Variants in PSMA5 observed in about 807,000 individuals in gnomAD.
PSMA5 encodes proteasome subunit alpha type-5.
Under a neutral mutation model 34.5 loss-of-function variants are expected in PSMA5, and 3 were observed. The ratio of observed to expected loss-of-function variants is 0.09; its 90% CI spans 0.04 to 0.22. The LOEUF is 0.22. PSMA5 is among the 10% of genes least tolerant of loss of function. The pLI is 1.00. For synonymous variants in PSMA5, 88 were observed against 95.8 expected (o/e 0.92, Z 0.47); for missense variants, 120 against 286.1 (o/e 0.42, Z 4.19).
intron 8 of PSMA5, among the ~76,000 whole-genome samples, chr1:109,407,913 G>T (rs1653844139): frequency 6.6e-6 from 1 of 152,072 alleles, no homozygotes; most frequent in Non-Finnish European, 1.5e-5. Context: ...CCAAAGTGCT[G>T]GGATTACTGG....
intron 3 of PSMA5, 98 bp from the exon 4 acceptor site, chr1:109,413,233 G>T: frequency 9.1e-7 from 1 of 1,097,636 alleles, no homozygotes; most frequent in Non-Finnish European, 1.4e-6. Flanking sequence ...AACCACGGCA[G>T]CCATTCAGCT....
intron 7 of PSMA5, 31 bp downstream of exon 7, chr1:109,410,980 A>G (rs758877162): frequency 6.7e-7 from 1 of 1,481,530 alleles, no homozygotes; most frequent in African/African-American, 1.4e-5. Flanking sequence ...ATGATAAAAA[A>G]ATAGTAAGAG....
At chr1:109,421,970 G>T in intron 1 of PSMA5, 44 bp from the exon 2 acceptor site, 1 of 1,269,090 alleles carries the variant, frequency 7.9e-7, no homozygotes. Context: ...ATAAAAACTA[G>T]CCATGTAGAC....
At chr1:109,418,937 C>T (rs1654324656) in intron 2 of PSMA5, among the ~76,000 whole-genome samples, 2 of 152,096 alleles carry the variant, frequency 1.3e-5, no homozygotes, top group African/African-American at 4.8e-5. Flanking sequence ...GGCAGATCAC[C>T]TGAGGTCAGG....
chr1:109,399,647 T>A lies in PSMA5; in HGVS notation c.*2366A>T, dbSNP rs925363611. The stretch of plus-strand genomic sequence containing the variant: ...CACTTTTTAGTATGTTGCTTTTAGT[T>A]ATCACAGGCTTACAGTACTTATATA... On this transcript the variant is annotated 3_prime_UTR_variant, in exon 9 of 9. Coordinates refer to ENST00000271308, the MANE Select transcript of PSMA5 (RefSeq NM_002790.4). The A allele has an allele frequency of 3.3e-5, 5 of 152,266 alleles. No homozygotes were observed. Among genetic ancestry groups the A allele is most frequent in the African/African-American group, 1.2e-4 (5 of 41,464 alleles). 9.4% of individuals were successfully genotyped at this position (152,266 alleles called of 1,614,324 possible). A position where few individuals can be genotyped will look rare whatever the true frequency, so the allele number is the denominator to read the frequency against.
At chr1:109,404,046 C>T (rs189178746) in intron 8 of PSMA5, among the ~76,000 whole-genome samples, 4 of 152,086 alleles carry the variant, frequency 2.6e-5, no homozygotes, top group Admixed American at 1.3e-4. Flanking sequence ...CTTGGCCAGG[C>T]GTGGTAGCCT....
chr1:109,425,911 T>C (rs941250755), intron 1 of PSMA5: 2 of 251,988 alleles, frequency 7.9e-6, no homozygotes, highest in South Asian at 1.6e-4. Flanking sequence ...TGCTTTTTCT[T>C]CCAGGAAGCA....
At chr1:109,426,250 C>G in intron 1 of PSMA5, 52 bp downstream of exon 1, 3 of 1,609,534 alleles carry the variant, frequency 1.9e-6, no homozygotes, top group Admixed American at 3.3e-5. Context: ...GCGGCCAGGT[C>G]CCGGGCCTGC....
At chr1:109,405,447 G>GTTTTTTTT (rs11390638) in intron 8 of PSMA5, among the ~76,000 whole-genome samples, 2 of 118,286 alleles carry the variant, frequency 1.7e-5, no homozygotes, top group Non-Finnish European at 3.3e-5. Flanking sequence ...GTCAGAAAAG[G>GTTTTTTTT]TTTTTTTTTT....
chr1:109,419,530 C>G (rs764567443), intron 2 of PSMA5, among the ~76,000 whole-genome samples: 3 of 152,024 alleles, frequency 2.0e-5, no homozygotes, highest in Non-Finnish European at 4.4e-5. Flanking sequence ...TTAGGCCAGG[C>G]GCGGTGGCTC....
Position 109,415,190 on chromosome 1 carries a change from A to G in PSMA5, c.223+47T>C, listed in dbSNP as rs547733158. 231 of 1,584,952 alleles carry G rather than the reference A, an allele frequency of 1.5e-4. 3 individuals carry two copies. In the South Asian group the frequency reaches 2.6e-3, roughly 18 times the overall value. ...TTCCTTGGAACATCATAGAGGACTA[A>G]TTAACCCAGACCAGATCCTACAGAA... On this transcript the variant is annotated intron_variant, in intron 3 of 8. Coordinates refer to ENST00000271308, the MANE Select transcript of PSMA5 (RefSeq NM_002790.4).
chr1:109,408,299 T>C (rs1395752423), intron 8 of PSMA5, among the ~76,000 whole-genome samples: 1 of 152,214 alleles, frequency 6.6e-6, no homozygotes, highest in Non-Finnish European at 1.5e-5. Context: ...ATATTATTTT[T>C]ACATCTTGAA....
At chr1:109,415,449 A>C in intron 2 of PSMA5, 86 bp from the exon 3 acceptor site, 1 of 1,409,144 alleles carries the variant, frequency 7.1e-7, no homozygotes, top group Non-Finnish European at 9.5e-7. Context: ...AAATCTTCAC[A>C]TGATAGAAAC....
At chr1:109,417,073 C>A (rs1654237233) in intron 2 of PSMA5, among the ~76,000 whole-genome samples, 1 of 152,122 alleles carries the variant, frequency 6.6e-6, no homozygotes. Context: ...CCATTGCATT[C>A]CAGCCTGGAC....
In PSMA5 at chr1:109,426,371, A is replaced by AG; in HGVS notation, c.-42dup. ...AGGCAGCGGCTACGCGGGGATTCTG[A>AG]GGACCAACACGACTCCACCGGCACC... On this transcript the variant is annotated 5_prime_UTR_variant, in exon 1 of 9. Transcript: ENST00000271308. The AG allele has an allele frequency of 6.2e-7, 1 of 1,610,892 alleles. No homozygotes were observed. The highest frequency in any genetic ancestry group is 8.5e-7 in the Non-Finnish European group (1 of 1,177,434).
chr1:109,415,624 C>T (rs1275619250), intron 2 of PSMA5, among the ~76,000 whole-genome samples: 2 of 151,974 alleles, frequency 1.3e-5, no homozygotes, highest in African/African-American at 2.4e-5. Context: ...TTAATGTTTT[C>T]TTTATAATTT....
At chr1:109,423,897 AC>A (rs1455544100) in intron 1 of PSMA5, among the ~76,000 whole-genome samples, 4 of 152,230 alleles carry the variant, frequency 2.6e-5, no homozygotes, top group African/African-American at 9.6e-5. Context: ...TTAACAGCAC[AC>A]AGTTGCCTAC....
chr1:109,426,337 G>A lies in PSMA5; in HGVS notation c.-7C>T. 16 of 1,614,140 alleles carry A rather than the reference G, an allele frequency of 9.9e-6. No individual in the cohort carries two copies. The highest frequency in any genetic ancestry group is 1.3e-5 in the African/African-American group (1 of 75,038). ...CAGACCGGGTAAGAAACATGGCGAGGGTAGGAGGAGGCAGCGGCTACGCGG... is the reference window on the plus strand; with the variant it reads ...CAGACCGGGTAAGAAACATGGCGAGAGTAGGAGGAGGCAGCGGCTACGCGG... On this transcript the variant is annotated 5_prime_UTR_variant, in exon 1 of 9. Coordinates refer to ENST00000271308, the MANE Select transcript of PSMA5 (RefSeq NM_002790.4).
intron 8 of PSMA5, among the ~76,000 whole-genome samples, chr1:109,402,364 T>A (rs1653567803): frequency 6.6e-6 from 1 of 152,224 alleles, no homozygotes. Context: ...TTGAAGTCAC[T>A]TCAACAGGGA....
Sources: gnomAD v4.1 joint callset for allele counts (sites outside exome capture counted in the v4.1 genomes callset) on GRCh38, gnomAD v4.1.1 for gene constraint, MANE v1.5 for transcripts, NCBI Gene and HGNC (gene_info 2026-07-23, HGNC 2026-07-21) for gene names.